RIPOR2: variants seen among roughly 807,000 people sequenced by gnomAD.
RIPOR2 encodes the protein rho family-interacting cell polarization regulator 2.
In RIPOR2, 39 loss-of-function variants were observed where a neutral mutation model predicts 114.5. The observed-to-expected ratio is 0.34, with a 90% CI of 0.26 to 0.44. The LOEUF (loss-of-function observed/expected upper bound fraction) is 0.44. RIPOR2 is among the 20% of genes least tolerant of loss of function. RIPOR2 has a pLI of 1.00. For synonymous variants in RIPOR2, 445 were observed against 484.4 expected (o/e 0.92, Z 1.07); for missense variants, 1,007 against 1,255.1 (o/e 0.80, Z 2.99).
Position 24,922,564 on chromosome 6 carries a change from A to G in RIPOR2, c.61+13274T>C, listed in dbSNP as rs143886927. On this transcript the variant is annotated intron_variant, in intron 1 of 21. Transcript: ENST00000643898. ...CCCATTCTGAACTCTTTTTTTAAAA[A>G]AAATGTGGTAAGGGGCCAGGCACGG... 1.8e-4 allele frequency among the ~76,000 whole-genome samples: 28 copies of G among 152,166 alleles called. No homozygotes were observed. The East Asian group carries it at 5.4e-3, about 29-fold the overall frequency.
chr6:24,984,633 T>A (rs1774454537), intron 1 of RIPOR2, among the ~76,000 whole-genome samples: 1 of 39,246 alleles, frequency 2.5e-5, no homozygotes, highest in African/African-American at 9.3e-5. Flanking sequence ...CTGGACAACA[T>A]AGTGAGACCC....
intron 1 of RIPOR2, among the ~76,000 whole-genome samples, chr6:24,973,082 G>GA (rs34921276): frequency 0.82 from 125,033 of 151,818 alleles, 54,242 homozygotes; most frequent in East Asian, 0.96. Context: ...AGAAGAGAGG[G>GA]AAAAAGAAAG....
At chr6:25,012,450 A>C (rs1036760762) in intron 1 of RIPOR2, among the ~76,000 whole-genome samples, 10 of 152,244 alleles carry the variant, frequency 6.6e-5, no homozygotes, top group Non-Finnish European at 1.2e-4. Context: ...CATTTTTTAT[A>C]ATAGCCAAAA....
At chr6:24,989,810 T>C (rs1459152382) in intron 1 of RIPOR2, among the ~76,000 whole-genome samples, 3 of 151,590 alleles carry the variant, frequency 2.0e-5, no homozygotes, top group African/African-American at 7.3e-5. Flanking sequence ...GGCAGGTGGA[T>C]CATGAGGTCA....
intron 1 of RIPOR2, among the ~76,000 whole-genome samples, chr6:24,953,248 T>C (rs556932169): frequency 6.6e-6 from 1 of 152,264 alleles, no homozygotes; most frequent in African/African-American, 2.4e-5. Context: ...CAGGAGACTC[T>C]CTTGAACCCG....
At chr6:24,838,377 T>C (rs1034822781) in intron 14 of RIPOR2, among the ~76,000 whole-genome samples, 4 of 152,166 alleles carry the variant, frequency 2.6e-5, no homozygotes, top group African/African-American at 7.2e-5. Context: ...GGAAGTAAAG[T>C]GCAAGCCAGG....
At position 24,850,655 on chromosome 6, in the gene RIPOR2, C is replaced by T. The variant is rs760089494; in HGVS notation, c.827G>A (p.Ser276Asn). The T allele has an allele frequency of 3.7e-6, 6 of 1,613,846 alleles. No homozygotes were observed. The African/African-American group carries it at 4.0e-5, about 11-fold the overall frequency. Residue 276 changes from serine (S) to asparagine (N), a missense_variant, in exon 10 of 22, where the codon AGC becomes AAC. Transcript: ENST00000643898. ...AAAAACTGTTTCTTCTCCATCCCAG[C>T]TCTGCTTGCCATTTACTTCTATTTT... ...KGKIEVNGKQ[S>N]WDGEETVFLP...
intron 1 of RIPOR2, chr6:25,024,397 A>G (rs1412472801): frequency 3.3e-6 from 4 of 1,204,978 alleles, no homozygotes; most frequent in East Asian, 2.4e-5. Context: ...ATGACATCAT[A>G]GCCTTGTTCC....
intron 1 of RIPOR2, among the ~76,000 whole-genome samples, chr6:24,917,837 C>T (rs60916187): frequency 0.018 from 2,665 of 152,254 alleles, 68 homozygotes; most frequent in African/African-American, 0.058. Flanking sequence ...CTGTAGTAGG[C>T]TTTTTTAAAG....
intron 1 of RIPOR2, among the ~76,000 whole-genome samples, chr6:25,028,656 T>C (rs1464988460): frequency 1.3e-5 from 2 of 152,218 alleles, no homozygotes; most frequent in African/African-American, 4.8e-5. Flanking sequence ...CCTTTCTCTC[T>C]GAGCTTCAGT....
intron 1 of RIPOR2, among the ~76,000 whole-genome samples, chr6:24,961,030 G>A (rs1239508288): frequency 6.6e-6 from 1 of 152,178 alleles, no homozygotes; most frequent in Non-Finnish European, 1.5e-5. Context: ...AACAATTTGA[G>A]GAGAGTCGGC....
intron 1 of RIPOR2, among the ~76,000 whole-genome samples, chr6:24,999,894 G>C (rs1342425713): frequency 6.6e-6 from 1 of 152,148 alleles, no homozygotes; most frequent in Admixed American, 6.6e-5. Flanking sequence ...ACAGTGTCAA[G>C]AGCCTGGACA....
chr6:24,852,564 A>G lies in RIPOR2; in HGVS notation c.759+11T>C, dbSNP rs760423407. ...CCATAATTCCAGCACCTAGACCAAGACAATACTTACTTCATATTGATCTCC... is the reference window on the plus strand; with the variant it reads ...CCATAATTCCAGCACCTAGACCAAGGCAATACTTACTTCATATTGATCTCC... On this transcript the variant is annotated intron_variant, in intron 9 of 21. Transcript: ENST00000643898. The G allele has an allele frequency of 1.9e-6, 3 of 1,609,074 alleles. No homozygotes were observed. The South Asian group carries it at 3.3e-5, about 18-fold the overall frequency.
At chr6:24,835,104 A>G (rs574749953) in intron 15 of RIPOR2, among the ~76,000 whole-genome samples, 2 of 152,336 alleles carry the variant, frequency 1.3e-5, no homozygotes, top group Admixed American at 6.5e-5. Context: ...AGAATTTAAG[A>G]ACATTTTGCT....
chr6:24,970,976 A>T (rs1227633960), intron 1 of RIPOR2, among the ~76,000 whole-genome samples: 2 of 152,220 alleles, frequency 1.3e-5, no homozygotes, highest in Non-Finnish European at 2.9e-5. Flanking sequence ...TGCTAGTGAC[A>T]GAAATAAATG....
intron 19 of RIPOR2, among the ~76,000 whole-genome samples, chr6:24,823,102 G>T (rs1759848770): frequency 6.6e-6 from 1 of 152,188 alleles, no homozygotes; most frequent in African/African-American, 2.4e-5. Context: ...ATAAAATAAT[G>T]AACCAACACA....
intron 1 of RIPOR2, among the ~76,000 whole-genome samples, chr6:24,985,593 A>C (rs899447112): frequency 1.3e-5 from 2 of 152,178 alleles, no homozygotes; most frequent in Non-Finnish European, 2.9e-5. Flanking sequence ...GATGACAGGG[A>C]CATTGACAGG....
chr6:24,912,659 T>G (rs962421595), intron 1 of RIPOR2, among the ~76,000 whole-genome samples: 1 of 152,172 alleles, frequency 6.6e-6, no homozygotes, highest in African/African-American at 2.4e-5. Flanking sequence ...TGGGGAGAAC[T>G]GAGTAAAGCG....
At chr6:24,877,201 C>A (rs1765873827) in intron 1 of RIPOR2, 2 of 985,312 alleles carry the variant, frequency 2.0e-6, no homozygotes, top group African/African-American at 3.5e-5. Context: ...CTCAAAGCTA[C>A]GCGAAGCAGC....
Sources: gnomAD v4.1 joint callset for allele counts (sites outside exome capture counted in the v4.1 genomes callset) on GRCh38, gnomAD v4.1.1 for gene constraint, MANE v1.5 for transcripts, NCBI Gene and HGNC (gene_info 2026-07-23, HGNC 2026-07-21) for gene names.